SCML2: variants seen among roughly 807,000 people sequenced by gnomAD.
SCML2 encodes the protein Scm polycomb group protein like 2, also known as sex comb on midleg-like protein 2.
Under a neutral mutation model 48.4 loss-of-function variants are expected in SCML2, and 6 were observed. The observed-to-expected ratio is 0.12, with a 90% CI of 0.07 to 0.24. SCML2 has a LOEUF of 0.24. Ranked by LOEUF, SCML2 falls within the 10% of genes least tolerant of loss-of-function variation. The pLI is 1.00. For synonymous variants in SCML2, 181 were observed against 189.5 expected, an observed-to-expected ratio of 0.95 and a Z score of 0.37; for missense variants, 377 against 528.2, an observed-to-expected ratio of 0.71 and a Z score of 2.81.
intron 5 of SCML2, 22 bp downstream of exon 5, chrX:18,323,837 A>G: frequency 1.8e-6 from 2 of 1,118,296 alleles, no homozygotes; most frequent in Non-Finnish European, 2.5e-6. Context: ...AGAATACGCT[A>G]TTTTTAAAAC....
At chrX:18,255,166 C>T (rs778327379) in intron 11 of SCML2, among the ~76,000 whole-genome samples, 19 of 111,926 alleles carry the variant, frequency 1.7e-4, no homozygotes, top group African/African-American at 6.2e-4. Flanking sequence ...CTTCCTCTTC[C>T]CCCTAGTTCT....
intron 1 of SCML2, among the ~76,000 whole-genome samples, chrX:18,352,183 C>T (rs6418719): frequency 0.28 from 30,532 of 110,956 alleles, 3,636 homozygotes; most frequent in African/African-American, 0.46. Context: ...ATTTCTGCAA[C>T]ATTTTGAAAA....
chrX:18,349,856 G>T (rs1930317956), intron 1 of SCML2, among the ~76,000 whole-genome samples: 1 of 112,175 alleles, frequency 8.9e-6, no homozygotes, highest in Non-Finnish European at 1.9e-5. Flanking sequence ...GGTAACCCTA[G>T]AAATAGACAA....
intron 7 of SCML2, among the ~76,000 whole-genome samples, chrX:18,282,499 A>G (rs1401284784): frequency 1.8e-5 from 2 of 110,994 alleles, no homozygotes; most frequent in African/African-American, 6.6e-5. Flanking sequence ...TTAGCCAAGC[A>G]TAGTAGCACA....
chrX:18,250,189 G>T (rs1349437257), intron 11 of SCML2, among the ~76,000 whole-genome samples: 2 of 111,152 alleles, frequency 1.8e-5, no homozygotes, highest in Non-Finnish European at 3.8e-5. Context: ...CTGTCCCTAA[G>T]GAAGCCCAGA....
At chrX:18,247,612 G>C (rs888699906) in intron 12 of SCML2, among the ~76,000 whole-genome samples, 157 bp downstream of exon 12, 2 of 111,644 alleles carry the variant, frequency 1.8e-5, no homozygotes, top group Non-Finnish European at 3.8e-5. Context: ...TGAAGGGAAT[G>C]AAGGGTTCAA....
At chrX:18,246,967 A>G in intron 12 of SCML2, 139 bp from the exon 13 acceptor site, 1 of 610,076 alleles carries the variant, frequency 1.6e-6, no homozygotes, top group Non-Finnish European at 2.5e-6. Flanking sequence ...CACAAAGTTC[A>G]TGGCTATCCC....
chrX:18,279,228 C>T (rs1213719274), intron 7 of SCML2, among the ~76,000 whole-genome samples: 1 of 112,694 alleles, frequency 8.9e-6, no homozygotes, highest in East Asian at 2.8e-4. Flanking sequence ...CTGTCAAGTG[C>T]CATCTACTGG....
chrX:18,297,480 C>T lies in SCML2; in HGVS notation c.730+7492G>A, dbSNP rs140730109. Among the ~76,000 whole-genome samples the T allele has an allele frequency of 5.3e-3, 592 of 111,942 alleles. 5 individuals carry two copies. Among genetic ancestry groups the T allele is most frequent in the African/African-American group, 0.018 (547 of 30,820 alleles). On this transcript the variant is annotated intron_variant, in intron 7 of 14. Transcript: ENST00000251900. ...CTCAAGTGGTTACTTCCTCACACGA[C>T]TTTCTAACCACTAAATTGTCCCTCT...
chrX:18,278,801 C>T lies in SCML2; in HGVS notation c.731-12999G>A, dbSNP rs191381480. 1.2e-4 allele frequency among the ~76,000 whole-genome samples: 14 copies of T among 112,969 alleles called. No homozygotes were observed. In the East Asian group the frequency reaches 2.8e-3, roughly 23 times the overall value. On this transcript the variant is annotated intron_variant, in intron 7 of 14. Transcript: ENST00000251900. Reference sequence around the variant, plus strand: ...ACAGCTGGAACCTGACCAGGAGCCACGGAAAGTTCCAGTTCCTCCACGGCT... The same window carrying T: ...ACAGCTGGAACCTGACCAGGAGCCATGGAAAGTTCCAGTTCCTCCACGGCT...
chrX:18,260,276 C>T lies in SCML2; in HGVS notation c.964G>A (p.Val322Met). 1.7e-6 allele frequency: 2 copies of T among 1,193,515 alleles called. No homozygotes were observed. The highest frequency in any genetic ancestry group is 1.1e-6 in the Non-Finnish European group (1 of 886,152). Residue 322 changes from valine (V) to methionine (M), a missense_variant, in exon 9 of 15, where the codon GTG becomes ATG. Around this residue, in one of 3 missense-constraint regions of SCML2, gnomAD observed 299 missense variants for 425.5 expected, o/e 0.70. Transcript: ENST00000251900. ...NSGKKEKPLP[V>M]ICSTSAASLK... The stretch of plus-strand genomic sequence containing the variant: ...GAAGCTGCAGATGTAGAACATATCA[C>T]GGGCAAAGGTTTTTCCTGTTAAAAA...
intron 7 of SCML2, among the ~76,000 whole-genome samples, chrX:18,302,037 C>T (rs774147472): frequency 9.0e-6 from 1 of 111,218 alleles, no homozygotes; most frequent in African/African-American, 3.3e-5. Context: ...GGTAAAGGGA[C>T]ATAAAGTGAG....
chrX:18,276,362 A>G (rs1214107367), intron 7 of SCML2, among the ~76,000 whole-genome samples: 1 of 110,986 alleles, frequency 9.0e-6, no homozygotes, highest in Non-Finnish European at 1.9e-5. Flanking sequence ...ATGAGCTACC[A>G]ATTCCACTCC....
chrX:18,287,117 A>G lies in SCML2; in HGVS notation c.730+17855T>C, dbSNP rs1042510094. 2.7e-5 allele frequency among the ~76,000 whole-genome samples: 3 copies of G among 111,712 alleles called. No individual in the cohort carries two copies. In the Admixed American group the frequency reaches 2.9e-4, roughly 11 times the overall value. ...GTAGGTTTCCCTCTCAACACCAAAG[A>G]TATCAGTTTTACAGTATTAAAAATT... On this transcript the variant is annotated intron_variant, in intron 7 of 14. Coordinates refer to ENST00000251900, the MANE Select transcript of SCML2 (RefSeq NM_006089.3).
intron 8 of SCML2, among the ~76,000 whole-genome samples, chrX:18,264,247 A>G (rs1002688966): frequency 9.0e-6 from 1 of 111,274 alleles, no homozygotes; most frequent in Non-Finnish European, 1.9e-5. Flanking sequence ...TTCACACTGG[A>G]TAATTTCTAT....
chrX:18,292,930 A>T (rs1000377213), intron 7 of SCML2, among the ~76,000 whole-genome samples: 3 of 111,386 alleles, frequency 2.7e-5, no homozygotes, highest in Middle Eastern at 4.7e-3. Flanking sequence ...TTATTCTATA[A>T]TTATTCTAAA....
chrX:18,342,456 A>G (rs1276039347), intron 1 of SCML2, among the ~76,000 whole-genome samples: 2 of 112,214 alleles, frequency 1.8e-5, no homozygotes, highest in East Asian at 5.6e-4. Flanking sequence ...TCACGCCTGT[A>G]ATCCCAGCAC....
At chrX:18,251,511 TACA>T (rs756295665) in intron 11 of SCML2, among the ~76,000 whole-genome samples, 2 of 110,692 alleles carry the variant, frequency 1.8e-5, no homozygotes, top group East Asian at 5.7e-4. Flanking sequence ...TCTGAAGATA[TACA>T]AATGGCCAAA....
chrX:18,333,568 T>G (rs1438778304), intron 2 of SCML2, among the ~76,000 whole-genome samples: 1 of 112,039 alleles, frequency 8.9e-6, no homozygotes, highest in Non-Finnish European at 1.9e-5. Context: ...CACTTAAAAT[T>G]AGAGAACAGC....
Sources: allele counts gnomAD v4.1 joint callset (sites outside exome capture counted in the v4.1 genomes callset), GRCh38; gene constraint gnomAD v4.1.1; regional missense constraint gnomAD v4.1.1; transcripts MANE v1.5; gene names NCBI Gene and HGNC (gene_info 2026-07-23, HGNC 2026-07-21).